The following WWP2 variants were observed in gnomAD, a reference collection of about 807,000 sequenced individuals.
WWP2 encodes WW domain containing E3 ubiquitin protein ligase 2.
WWP2 carries 57 observed loss-of-function variants against 121.0 expected under a neutral mutation model. The ratio of observed to expected loss-of-function variants is 0.47; its 90% CI spans 0.38 to 0.59. The LOEUF (loss-of-function observed/expected upper bound fraction) is 0.59. Among genes scored for constraint, WWP2 ranks in the 20% least tolerant of loss-of-function variants. WWP2 has a pLI of 0.00. For synonymous variants in WWP2, 449 were observed against 441.3 expected (o/e 1.02, Z -0.22); for missense variants, 962 against 1,158.9 (o/e 0.83, Z 2.47).
chr16:69,860,529 A>G (rs7202233), intron 6 of WWP2, among the ~76,000 whole-genome samples: 79,990 of 152,074 alleles, frequency 0.53, 21,639 homozygotes, highest in East Asian at 0.9. Flanking sequence ...TGGCCTAGGA[A>G]TTTGGCCACC....
At position 69,888,184 on chromosome 16, in the gene WWP2, A is replaced by G; in HGVS notation, c.849A>G (p.Glu283=). ...CAGCCACACCGGCTGAAGGAGAGGA[A>G]CCCAGCACTTCGGGTACACAGCAGC... is the stretch of plus-strand genomic sequence containing the variant. ...PAPATPAEGE[E]PSTSGTQQLP... The change falls in exon 8 of 24, where the codon GAA becomes GAG. Residue 283 remains glutamate (E), a synonymous_variant. Coordinates refer to ENST00000359154, the MANE Select transcript of WWP2 (RefSeq NM_001270454.2). 1.9e-6 allele frequency: 3 copies of G among 1,614,072 alleles called. No individual in the cohort carries two copies. The highest frequency in any genetic ancestry group is 2.5e-6 in the Non-Finnish European group (3 of 1,180,014).
chr16:69,882,776 G>T (rs1689044435), intron 7 of WWP2, among the ~76,000 whole-genome samples: 1 of 152,226 alleles, frequency 6.6e-6, no homozygotes, highest in Admixed American at 6.5e-5. Context: ...GATGGGTGCA[G>T]TCCTTTTGGG....
chr16:69,915,400 T>C (rs1320995952), intron 9 of WWP2, among the ~76,000 whole-genome samples: 1 of 152,128 alleles, frequency 6.6e-6, no homozygotes, highest in Non-Finnish European at 1.5e-5. Flanking sequence ...CCATAAGCGA[T>C]AGCAAATATG....
chr16:69,767,068 C>T (rs1040149209), intron 1 of WWP2, among the ~76,000 whole-genome samples: 1 of 150,386 alleles, frequency 6.6e-6, no homozygotes, highest in African/African-American at 2.5e-5. Context: ...TTGAAAACCA[C>T]AAGCTAATGG....
chr16:69,877,910 C>T (rs1366142103), intron 7 of WWP2, among the ~76,000 whole-genome samples: 3 of 152,118 alleles, frequency 2.0e-5, no homozygotes, highest in Non-Finnish European at 4.4e-5. Context: ...CAGGTTCAAG[C>T]GATTCTCCTG....
intron 1 of WWP2, among the ~76,000 whole-genome samples, chr16:69,781,420 A>G (rs1489944462): frequency 6.6e-6 from 1 of 152,104 alleles, no homozygotes; most frequent in African/African-American, 2.4e-5. Flanking sequence ...ATCTTGGCTC[A>G]CTGCAGCCTT....
intron 2 of WWP2, among the ~76,000 whole-genome samples, chr16:69,796,345 C>T (rs1245362420): frequency 6.6e-6 from 1 of 152,168 alleles, no homozygotes; most frequent in Non-Finnish European, 1.5e-5. Flanking sequence ...GCATCTGATA[C>T]TCCTAATCTG....
chr16:69,794,250 T>C (rs919462145), intron 2 of WWP2, among the ~76,000 whole-genome samples: 1 of 151,620 alleles, frequency 6.6e-6, no homozygotes, highest in Non-Finnish European at 1.5e-5. Flanking sequence ...ATAGGCTGGG[T>C]GTGGTGGCTC....
intron 4 of WWP2, among the ~76,000 whole-genome samples, chr16:69,816,162 T>C (rs2056485813): frequency 6.6e-6 from 1 of 152,172 alleles, no homozygotes; most frequent in African/African-American, 2.4e-5. Context: ...TCTTGTGGAA[T>C]GATTACAATA....
chr16:69,888,078 C>T lies in WWP2; in HGVS notation c.743C>T (p.Pro248Leu), dbSNP rs1597112421. The T allele has an allele frequency of 6.2e-7, 1 of 1,614,204 alleles. No homozygotes were observed. The highest frequency in any genetic ancestry group is 1.1e-5 in the South Asian group (1 of 91,086). ...ACAACAGCCACTGATCCCGAAGAAC[C>T]TTCCGTTGTTGGTGTGACGTCCCCA... ...EPTTATDPEE[P>L]SVVGVTSPPA... The change falls in exon 8 of 24, where the codon CCT (proline) becomes CTT (leucine). Residue 248 changes from proline to leucine, a missense_variant. Physicochemically the swap from Pro to Leu is moderately conservative, Grantham distance 98. Around this residue, in one of 3 missense-constraint regions of WWP2, gnomAD observed 211 missense variants for 196.5 expected, o/e 1.07. Transcript: ENST00000359154.
At chr16:69,898,319 C>T (rs779324052) in intron 8 of WWP2, among the ~76,000 whole-genome samples, 18 of 152,152 alleles carry the variant, frequency 1.2e-4, no homozygotes, top group Admixed American at 1.2e-3. Context: ...TGAGCCACCA[C>T]TCCCAGCCAG....
intron 8 of WWP2, among the ~76,000 whole-genome samples, chr16:69,889,460 G>A (rs2057986690): frequency 6.6e-6 from 1 of 152,192 alleles, no homozygotes. Context: ...AGACAGCTCT[G>A]GGTTTGAATC....
At chr16:69,838,096 A>G (rs376924489) in intron 4 of WWP2, among the ~76,000 whole-genome samples, 3 of 152,278 alleles carry the variant, frequency 2.0e-5, no homozygotes, top group East Asian at 3.9e-4. Flanking sequence ...AAACAAATAC[A>G]GTGAATGAGA....
intron 9 of WWP2, among the ~76,000 whole-genome samples, chr16:69,915,453 C>A (rs1244972675): frequency 6.6e-6 from 1 of 152,138 alleles, no homozygotes; most frequent in African/African-American, 2.4e-5. Flanking sequence ...TGGTGCACAC[C>A]TGAGACTACT....
chr16:69,812,425 A>C (rs1211560338), intron 4 of WWP2, among the ~76,000 whole-genome samples: 3 of 149,978 alleles, frequency 2.0e-5, no homozygotes, highest in African/African-American at 7.4e-5. Flanking sequence ...TCGGCCTCCC[A>C]AAGTGCTAAG....
intron 1 of WWP2, among the ~76,000 whole-genome samples, chr16:69,769,477 T>G (rs761980829): frequency 2.0e-5 from 3 of 152,186 alleles, no homozygotes; most frequent in Non-Finnish European, 2.9e-5. Flanking sequence ...AAAATATTGA[T>G]ACTGGTGTGT....
In WWP2 at chr16:69,783,818, G is replaced by C. The variant is rs2055719678; in HGVS notation, c.-15-3178G>C. On this transcript the variant is annotated intron_variant, in intron 1 of 23. Transcript: ENST00000359154. Reference sequence around the variant, plus strand: ...ACAACAACAACAAAATATTAGAGTTGTGGTGGCACATCTATAGTCCCAGCT... The same window carrying C: ...ACAACAACAACAAAATATTAGAGTTCTGGTGGCACATCTATAGTCCCAGCT... Among the ~76,000 whole-genome samples, 3 of 118,956 alleles carry C rather than the reference G, an allele frequency of 2.5e-5. No individual in the cohort carries two copies. The South Asian group carries it at 8.8e-4, about 35-fold the overall frequency. The allele number at this position is 118,956 out of a possible 152,430, so 78.0% of individuals were successfully genotyped here.
At chr16:69,831,456 T>A (rs1430948707) in intron 4 of WWP2, among the ~76,000 whole-genome samples, 1 of 152,186 alleles carries the variant, frequency 6.6e-6, no homozygotes, top group Non-Finnish European at 1.5e-5. Context: ...ATGTAGTTTT[T>A]TTTCTTTTGT....
At chr16:69,795,184 C>T (rs548030680) in intron 2 of WWP2, among the ~76,000 whole-genome samples, 53 of 151,492 alleles carry the variant, frequency 3.5e-4, no homozygotes, top group Middle Eastern at 3.4e-3. Context: ...TGCAGTGAGC[C>T]GTGATCGTGC....
Sources: allele counts gnomAD v4.1 joint callset (sites outside exome capture counted in the v4.1 genomes callset), GRCh38; gene constraint gnomAD v4.1.1; regional missense constraint gnomAD v4.1.1; transcripts MANE v1.5; gene names NCBI Gene and HGNC (gene_info 2026-07-23, HGNC 2026-07-21).